PFKFB3: variants seen among roughly 807,000 people sequenced by gnomAD.
The protein encoded by PFKFB3 is 6-phosphofructo-2-kinase/fructose-2,6-bisphosphatase 3.
In PFKFB3, 33 loss-of-function variants were observed where a neutral mutation model predicts 68.0. That is an observed-to-expected ratio of 0.49 (90% CI 0.37 to 0.65). The LOEUF (loss-of-function observed/expected upper bound fraction) is 0.65, where lower values mean the gene tolerates loss of function less well. Among genes scored for constraint, PFKFB3 ranks in the 30% least tolerant of loss-of-function variants. The pLI is 0.00. For synonymous variants in PFKFB3, 315 were observed against 288.2 expected (o/e 1.09, Z -0.94); for missense variants, 586 against 712.2 (o/e 0.82, Z 2.02).
the PFKFB3 span, among the ~76,000 whole-genome samples, chr10:6,318,124 G>C: frequency 6.6e-6 from 1 of 152,184 alleles, no homozygotes; most frequent in Non-Finnish European, 1.5e-5. Flanking sequence ...CTGTTAGCAG[G>C]GCTGTGTCTT....
chr10:6,175,176 T>C (rs1461079552), intron 1 of PFKFB3, among the ~76,000 whole-genome samples: 1 of 152,212 alleles, frequency 6.6e-6, no homozygotes, highest in Admixed American at 6.5e-5. Context: ...ACCTCAGTTT[T>C]ACCCCCTCTT....
intron 1 of PFKFB3, among the ~76,000 whole-genome samples, chr10:6,192,941 T>C (rs894143001): frequency 3.3e-5 from 5 of 152,234 alleles, no homozygotes; most frequent in African/African-American, 1.2e-4. Flanking sequence ...GGGCTGCTGT[T>C]CTCATTCTAC....
the PFKFB3 span, among the ~76,000 whole-genome samples, chr10:6,259,838 C>A: frequency 6.6e-6 from 1 of 152,132 alleles, no homozygotes; most frequent in Non-Finnish European, 1.5e-5. Context: ...TGTCTCCTAG[C>A]CCAGCATTAG....
the PFKFB3 span, among the ~76,000 whole-genome samples, chr10:6,316,411 C>G: frequency 6.6e-6 from 1 of 152,238 alleles, no homozygotes; most frequent in South Asian, 2.1e-4. Context: ...CTTTCTGTTT[C>G]TGCCCAACAC....
intron 1 of PFKFB3, among the ~76,000 whole-genome samples, chr10:6,204,705 T>C (rs1843573724): frequency 6.6e-6 from 1 of 152,258 alleles, no homozygotes; most frequent in African/African-American, 2.4e-5. Context: ...CATGGTTCTC[T>C]TGTCTTTGTG....
chr10:6,179,590 T>C (rs1048625193), intron 1 of PFKFB3, among the ~76,000 whole-genome samples: 21 of 151,848 alleles, frequency 1.4e-4, no homozygotes, highest in South Asian at 4.2e-4. Context: ...ATGGGGGTCG[T>C]CGAAGGACGG....
intron 6 of PFKFB3, among the ~76,000 whole-genome samples, chr10:6,217,408 G>A (rs1844656718): frequency 6.6e-6 from 1 of 152,220 alleles, no homozygotes; most frequent in Non-Finnish European, 1.5e-5. Flanking sequence ...AGGGCAGTGG[G>A]CAGGCTTGGA....
At chr10:6,323,515 G>A in the PFKFB3 span, among the ~76,000 whole-genome samples, 1,393 of 152,234 alleles carry the variant, frequency 9.2e-3, 8 homozygotes, top group Non-Finnish European at 0.014. Context: ...ACCCTGCAGC[G>A]CTTAGCTCTG....
chr10:6,209,027 G>A (rs981773283), intron 1 of PFKFB3, among the ~76,000 whole-genome samples: 1 of 152,214 alleles, frequency 6.6e-6, no homozygotes, highest in South Asian at 2.1e-4. Flanking sequence ...CATTGACCCT[G>A]TATCCCCCAA....
the PFKFB3 span, among the ~76,000 whole-genome samples, chr10:6,265,503 T>A: frequency 3.9e-5 from 6 of 152,234 alleles, no homozygotes; most frequent in Admixed American, 1.3e-4. Flanking sequence ...TCCACTATTA[T>A]GTTTAGGCTA....
rs181529468 is a variant in PFKFB3 at position 6,229,897 on chromosome 10, G to C, written c.1516-2998G>C. Among the ~76,000 whole-genome samples the C allele has an allele frequency of 6.6e-6, 1 of 152,048 alleles. No individual in the cohort carries two copies. The highest frequency in any genetic ancestry group is 2.4e-5 in the African/African-American group (1 of 41,396). ...AGGGAACGCACAGCCTAGATCCCTC[G>C]TGTGTGCTCCTCCGAGTCAGGTGGT... On this transcript the variant is annotated intron_variant, in intron 14 of 14. Transcript: ENST00000379775. The surrounding 1 kb of genome is among the most constrained non-coding windows in gnomAD (Gnocchi z 4.3).
At chr10:6,152,529 C>T (rs916271454) in intron 1 of PFKFB3, among the ~76,000 whole-genome samples, 1 of 152,054 alleles carries the variant, frequency 6.6e-6, no homozygotes, top group Non-Finnish European at 1.5e-5. Flanking sequence ...ACATTCCGAA[C>T]CCATGAATAG....
intron 1 of PFKFB3, among the ~76,000 whole-genome samples, chr10:6,177,354 C>CTCTTTTCTTTCTT (rs1554842851): frequency 2.6e-5 from 2 of 77,924 alleles, no homozygotes; most frequent in Non-Finnish European, 5.5e-5. Context: ...CTTTTCTTTT[C>CTCTTTTCTTTCTT]TCTTTCTTTC....
rs554327494 is a variant in PFKFB3 at position 6,210,519 on chromosome 10, G to C, written c.77-3104G>C. ...GGGACTACAGGCGCCCGCCAACATGGCCGGCTAATTTTTTGTGTTTTTAAT... is the reference window on the plus strand; with the variant it reads ...GGGACTACAGGCGCCCGCCAACATGCCCGGCTAATTTTTTGTGTTTTTAAT... On this transcript the variant is annotated intron_variant, in intron 1 of 14. Coordinates refer to ENST00000379775, the MANE Select transcript of PFKFB3 (RefSeq NM_004566.4). Among the ~76,000 whole-genome samples the C allele has an allele frequency of 8.7e-4, 98 of 112,762 alleles. 25 individuals are homozygous for C. The South Asian group carries it at 0.024, about 28-fold the overall frequency. 74.0% of individuals were successfully genotyped at this position (112,762 alleles called of 152,430 possible). A position where few individuals can be genotyped will look rare whatever the true frequency, so the allele number is the denominator to read the frequency against.
chr10:6,262,703 C>G, the PFKFB3 span, among the ~76,000 whole-genome samples: 2 of 152,182 alleles, frequency 1.3e-5, no homozygotes, highest in African/African-American at 4.8e-5. Flanking sequence ...GTTTCAGAGT[C>G]TGAAAACCAA....
chr10:6,287,705 C>A, the PFKFB3 span, among the ~76,000 whole-genome samples: 2 of 152,120 alleles, frequency 1.3e-5, no homozygotes, highest in Non-Finnish European at 2.9e-5. Flanking sequence ...CCAGTTCCTC[C>A]CTCTTGTCCG....
At position 6,174,302 on chromosome 10, in the gene PFKFB3, G is replaced by A. The variant is rs1181674861; in HGVS notation, c.16+29289G>A. 5.3e-5 allele frequency among the ~76,000 whole-genome samples: 8 copies of A among 152,238 alleles called. No homozygotes were observed. In the South Asian group the frequency reaches 1.0e-3, roughly 20 times the overall value. ...AGAAGCAGACATCGTGACCTTTCCC[G>A]TCCAGCCTTACAGCCTAGTTTATCA... is the stretch of plus-strand genomic sequence containing the variant. On this transcript the variant is annotated intron_variant, in intron 1 of 14. Coordinates refer to the PFKFB3 transcript ENST00000379789.
the PFKFB3 span, among the ~76,000 whole-genome samples, chr10:6,309,053 C>T: frequency 6.6e-6 from 1 of 152,056 alleles, no homozygotes; most frequent in South Asian, 2.1e-4. Flanking sequence ...AAAGAGAGGG[C>T]GGGTGGGATG....
At chr10:6,152,479 C>A (rs992640539) in intron 1 of PFKFB3, among the ~76,000 whole-genome samples, 1 of 152,148 alleles carries the variant, frequency 6.6e-6, no homozygotes, top group Non-Finnish European at 1.5e-5. Context: ...TAACTAGCCA[C>A]CTGCAAGGGC....
Sources: allele counts gnomAD v4.1 joint callset (sites outside exome capture counted in the v4.1 genomes callset), GRCh38; gene constraint gnomAD v4.1.1; non-coding constraint Gnocchi (gnomAD v3.1); transcripts MANE v1.5; gene names NCBI Gene and HGNC (gene_info 2026-07-23, HGNC 2026-07-21).